Variants in SCAF1 observed in about 807,000 individuals in gnomAD.
SCAF1 encodes the protein SR-related CTD associated factor 1.
A neutral mutation model predicts 91.2 loss-of-function variants in SCAF1; 28 were observed. That is an observed-to-expected ratio of 0.31 (90% CI 0.23 to 0.42). The LOEUF is 0.42. Ranked by LOEUF, SCAF1 falls within the 10% of genes least tolerant of loss-of-function variation. The pLI is 1.00. For missense variants in SCAF1, 1,893 were observed against 1,872.1 expected (o/e 1.01, Z -0.21); for synonymous variants, 1,036 against 833.7 (o/e 1.24, Z -4.18).
rs1001325441 is a variant in SCAF1 at position 49,652,665 on chromosome 19, C to T, written c.2276C>T (p.Ser759Phe). 4.5e-6 allele frequency: 7 copies of T among 1,563,680 alleles called. No individual in the cohort carries two copies. Among genetic ancestry groups the T allele is most frequent in the Non-Finnish European group, 6.1e-6 (7 of 1,154,288 alleles). The change falls in exon 7 of 11, where the codon TCC becomes TTC. Residue 759 changes from serine to phenylalanine, a missense_variant. By Grantham distance (155) the Ser-to-Phe change is radical. Around this residue, in one of 5 missense-constraint regions of SCAF1, gnomAD observed 1,436 missense variants for 1,306.8 expected, o/e 1.10. Coordinates refer to ENST00000360565, the MANE Select transcript of SCAF1 (RefSeq NM_021228.3). ...KDRRRSGAASSSSSSREKGSR... is the reference protein window; with the variant it reads ...KDRRRSGAASFSSSSREKGSR... ...CGGCGCCGCTCGGGGGCCGCCTCCT[C>T]CTCCTCCTCTTCCCGGGAGAAGGGG... is the stretch of plus-strand genomic sequence containing the variant.
intron 6 of SCAF1, among the ~76,000 whole-genome samples, chr19:49,650,189 A>G (rs2081077292): frequency 6.6e-6 from 1 of 152,126 alleles, no homozygotes; most frequent in Non-Finnish European, 1.5e-5. Context: ...AGCAGATGTA[A>G]TTCCTTGGGT....
chr19:49,655,025 T>G (rs1285395156), intron 9 of SCAF1, among the ~76,000 whole-genome samples, 155 bp downstream of exon 9: 1 of 152,146 alleles, frequency 6.6e-6, no homozygotes, highest in Non-Finnish European at 1.5e-5. Flanking sequence ...AACTCCACTT[T>G]GCTGGAATGG....
chr19:49,650,790 T>A, intron 6 of SCAF1, 78 bp from the exon 7 acceptor site: 14 of 1,201,512 alleles, frequency 1.2e-5, no homozygotes, highest in Non-Finnish European at 1.5e-5. Flanking sequence ...CCAGGGAGTG[T>A]CCACGGCTGG....
upstream of SCAF1, among the ~76,000 whole-genome samples, chr19:49,641,734 G>T (rs1357227764): frequency 6.6e-6 from 1 of 152,166 alleles, no homozygotes; most frequent in African/African-American, 2.4e-5. Context: ...GTGCGCCACT[G>T]CATCCCGTCT....
In SCAF1 at chr19:49,652,379, G is replaced by T. The variant is rs2081102480; in HGVS notation, c.1990G>T (p.Ala664Ser). 6.5e-7 allele frequency: 1 copy of T among 1,546,228 alleles called. No individual in the cohort carries two copies. Among genetic ancestry groups the T allele is most frequent in the Non-Finnish European group, 8.7e-7 (1 of 1,149,726 alleles). ...TGGGGATGGCAGCGAGAAGGCCCCG[G>T]CGCCCGCCCCGCCGCCCTCTGGCTC... ...RSGDGSEKAP[A>S]PAPPPSGSTS... The change falls in exon 7 of 11, where the codon GCG becomes TCG. Residue 664 changes from alanine to serine, a missense_variant. This residue lies in a region of SCAF1 where 1,436 missense variants were observed against 1,306.8 expected (regional missense o/e 1.10). Coordinates refer to ENST00000360565, the MANE Select transcript of SCAF1 (RefSeq NM_021228.3).
chr19:49,654,506 G>T lies in SCAF1; in HGVS notation c.3399+75G>T. 5 of 1,465,530 alleles carry T rather than the reference G, an allele frequency of 3.4e-6. No individual in the cohort carries two copies. In the South Asian group the frequency reaches 4.7e-5, roughly 14 times the overall value. 90.8% of individuals were successfully genotyped at this position (1,465,530 alleles called of 1,614,324 possible). ...CCTCGGGTTAGGAGAGGAACCGCGGGCCTGGCAGCTCTGGGGCAAGGTATC... is the reference window on the plus strand; with the variant it reads ...CCTCGGGTTAGGAGAGGAACCGCGGTCCTGGCAGCTCTGGGGCAAGGTATC... On this transcript the variant is annotated intron_variant, in intron 8 of 10. Coordinates refer to ENST00000360565, the MANE Select transcript of SCAF1 (RefSeq NM_021228.3).
Position 49,651,462 on chromosome 19 carries a change from A to T in SCAF1, c.1073A>T (p.Glu358Val), listed in dbSNP as rs745719288. The T allele has an allele frequency of 1.3e-6, 2 of 1,589,514 alleles. No homozygotes were observed. The highest frequency in any genetic ancestry group is 2.3e-5 in the South Asian group (2 of 88,470). The change falls in exon 7 of 11, where the codon GAG becomes GTG. Residue 358 changes from glutamate to valine, a missense_variant. By Grantham distance (121) the Glu-to-Val change is moderately radical. This residue lies in a region of SCAF1 where 1,436 missense variants were observed against 1,306.8 expected (regional missense o/e 1.10). Coordinates refer to ENST00000360565, the MANE Select transcript of SCAF1 (RefSeq NM_021228.3). ...MRRRVFVVGT[E>V]AEACREGKVS... ...CGGCGGGTCTTCGTGGTGGGGACCG[A>T]GGCAGAGGCTTGTCGGGAAGGCAAG...
In SCAF1 at chr19:49,653,555, A is replaced by T; in HGVS notation, c.3166A>T (p.Ser1056Cys). Residue 1056 changes from serine (S) to cysteine (C), a missense_variant, in exon 7 of 11, where the codon AGC becomes TGC. Ser to Cys is a moderately radical substitution (Grantham distance 112). Around this residue, in one of 5 missense-constraint regions of SCAF1, gnomAD observed 1,436 missense variants for 1,306.8 expected, o/e 1.10. Transcript: ENST00000360565. Reference sequence around the variant, plus strand: ...CACCAGCACTGCTGCAGCCGCCCCAAGCACTGCCCCCAGCGCGGGGTCCAC... The same window carrying T: ...CACCAGCACTGCTGCAGCCGCCCCATGCACTGCCCCCAGCGCGGGGTCCAC... ...TATSTAAAAP[S>C]TAPSAGSTAG... 1 of 1,585,630 alleles carries T rather than the reference A, an allele frequency of 6.3e-7. No homozygotes were observed.
At position 49,653,553 on chromosome 19, in the gene SCAF1, C is replaced by G. The variant is rs1378168441; in HGVS notation, c.3164C>G (p.Pro1055Arg). 2 of 1,585,228 alleles carry G rather than the reference C, an allele frequency of 1.3e-6. No homozygotes were observed. The highest frequency in any genetic ancestry group is 1.7e-6 in the Non-Finnish European group (2 of 1,169,944). Reference sequence around the variant, plus strand: ...GCCACCAGCACTGCTGCAGCCGCCCCAAGCACTGCCCCCAGCGCGGGGTCC... The same window carrying G: ...GCCACCAGCACTGCTGCAGCCGCCCGAAGCACTGCCCCCAGCGCGGGGTCC... ...TTATSTAAAA[P>R]STAPSAGSTA... The change falls in exon 7 of 11, where the codon CCA becomes CGA. Residue 1055 changes from proline to arginine, a missense_variant. Coordinates refer to ENST00000360565, the MANE Select transcript of SCAF1 (RefSeq NM_021228.3).
Position 49,646,469 on chromosome 19 carries a change from G to A in SCAF1, c.262-57G>A. 1 of 1,479,180 alleles carries A rather than the reference G, an allele frequency of 6.8e-7. No individual in the cohort carries two copies. Among genetic ancestry groups the A allele is most frequent in the South Asian group, 1.1e-5 (1 of 88,444 alleles). The allele number at this position is 1,479,180 out of a possible 1,614,324, so 91.6% of individuals were successfully genotyped here. A position where few individuals can be genotyped will look rare whatever the true frequency, so the allele number is the denominator to read the frequency against. Reference sequence around the variant, plus strand: ...GAGAGGTTAGGGAGTGGGGAAGCAGGATTTGCCAGTCTTCATGTGACCAGG... The same window carrying A: ...GAGAGGTTAGGGAGTGGGGAAGCAGAATTTGCCAGTCTTCATGTGACCAGG... On this transcript the variant is annotated intron_variant, in intron 4 of 10. Coordinates refer to ENST00000360565, the MANE Select transcript of SCAF1 (RefSeq NM_021228.3). The surrounding 1 kb of genome is among the most constrained non-coding windows in gnomAD (Gnocchi z 5.6).
chr19:49,658,609 T>C lies in SCAF1; in HGVS notation c.*210T>C, dbSNP rs779082437. On this transcript the variant is annotated 3_prime_UTR_variant, in exon 11 of 11. Coordinates refer to ENST00000360565, the MANE Select transcript of SCAF1 (RefSeq NM_021228.3). ...CCCCTCCCTTCTGTTTGTGCCCCTC[T>C]CCCCAATTTCATTAAAGATTTCATG... 4 of 579,536 alleles carry C rather than the reference T, an allele frequency of 6.9e-6. No individual in the cohort carries two copies. Among genetic ancestry groups the C allele is most frequent in the Admixed American group, 3.1e-5 (1 of 32,320 alleles). The allele number at this position is 579,536 out of a possible 1,614,324, so 35.9% of individuals were successfully genotyped here.
chr19:49,645,229 C>T lies in SCAF1; in HGVS notation c.108+95C>T. On this transcript the variant is annotated intron_variant, in intron 2 of 10. Transcript: ENST00000360565. The surrounding 1 kb of genome is among the most constrained non-coding windows in gnomAD (Gnocchi z 4.6). ...CAGGGCCTGAGGCAGGGGCGCTGGACTCTTGGCTCCCTTGAAGCACTTGAG... is the reference window on the plus strand; with the variant it reads ...CAGGGCCTGAGGCAGGGGCGCTGGATTCTTGGCTCCCTTGAAGCACTTGAG... 1 of 1,484,624 alleles carries T rather than the reference C, an allele frequency of 6.7e-7. No individual in the cohort carries two copies. The highest frequency in any genetic ancestry group is 1.7e-5 in the Admixed American group (1 of 57,554). The allele number at this position is 1,484,624 out of a possible 1,614,324, so 92.0% of individuals were successfully genotyped here.
chr19:49,652,649 T>G lies in SCAF1; in HGVS notation c.2260T>G (p.Ser754Ala). The change falls in exon 7 of 11, where the codon TCG becomes GCG. Residue 754 changes from serine to alanine, a missense_variant. By Grantham distance (99) the Ser-to-Ala change is moderately conservative. Coordinates refer to ENST00000360565, the MANE Select transcript of SCAF1 (RefSeq NM_021228.3). ...GAGCAGCCAGAAGGATCGGCGCCGC[T>G]CGGGGGCCGCCTCCTCCTCCTCCTC... ...GKSSQKDRRR[S>A]GAASSSSSSR... is the part of the protein sequence containing the mutation. The G allele has an allele frequency of 6.4e-7, 1 of 1,559,782 alleles. No individual in the cohort carries two copies. The highest frequency in any genetic ancestry group is 8.7e-7 in the Non-Finnish European group (1 of 1,152,154).
rs772824205 is a variant in SCAF1 at position 49,652,588 on chromosome 19, C to T, written c.2199C>T (p.Asp733=). The T allele has an allele frequency of 1.7e-5, 27 of 1,568,130 alleles. No homozygotes were observed. In the African/African-American group the frequency reaches 3.0e-4, roughly 17 times the overall value. The change falls in exon 7 of 11, where the codon GAC becomes GAT. Residue 733 remains aspartate, a synonymous_variant. Transcript: ENST00000360565. ...CACCTAAGCGGGAGGTCCTGTACGA[C>T]TCCGAGGGACTGAGCGGCGAGGAGC... ...ASSPKREVLY[D]SEGLSGEERG... is the part of the protein sequence containing the mutation.
Position 49,652,569 on chromosome 19 carries a change from A to T in SCAF1, c.2180A>T (p.Lys727Met), listed in dbSNP as rs1175841904. Residue 727 changes from lysine (K) to methionine (M), a missense_variant, in exon 7 of 11, where the codon AAG becomes ATG. Physicochemically the swap from Lys to Met is moderately conservative, Grantham distance 95 (BLOSUM62 -1). Around this residue, in one of 5 missense-constraint regions of SCAF1, gnomAD observed 1,436 missense variants for 1,306.8 expected, o/e 1.10. Transcript: ENST00000360565. Reference protein sequence around the residue: ...GPSPAPASSPKREVLYDSEGL... With the variant: ...GPSPAPASSPMREVLYDSEGL... Reference sequence around the variant, plus strand: ...TCTCCTGCTCCGGCCTCCTCACCTAAGCGGGAGGTCCTGTACGACTCCGAG... The same window carrying T: ...TCTCCTGCTCCGGCCTCCTCACCTATGCGGGAGGTCCTGTACGACTCCGAG... The T allele has an allele frequency of 6.4e-7, 1 of 1,565,380 alleles. No individual in the cohort carries two copies. Among genetic ancestry groups the T allele is most frequent in the African/African-American group, 1.4e-5 (1 of 73,580 alleles).
At chr19:49,641,495 T>G (rs955767759), upstream of SCAF1, among the ~76,000 whole-genome samples, 1 of 152,158 alleles carries the variant, frequency 6.6e-6, no homozygotes, top group African/African-American at 2.4e-5. Flanking sequence ...TTTTGTATTT[T>G]TAGTAGAGAC....
chr19:49,652,098 CCCG>C lies in SCAF1; in HGVS notation c.1717_1719del (p.Arg573del). The C allele has an allele frequency of 2.6e-6, 3 of 1,137,948 alleles. No individual in the cohort carries two copies. The highest frequency in any genetic ancestry group is 2.2e-6 in the Non-Finnish European group (2 of 929,984). The allele number at this position is 1,137,948 out of a possible 1,614,324, so 70.5% of individuals were successfully genotyped here. On this transcript the variant is annotated inframe_deletion, in exon 7 of 11. Transcript: ENST00000360565. The stretch of plus-strand genomic sequence containing the variant: ...CCCGGCTCCCACGCCTCGTCGTCCG[CCCG>C]CCGCCGCTCCCGCTCCCGCTCCCGC...
In SCAF1 at chr19:49,652,779, C is replaced by T. The variant is rs1162836094; in HGVS notation, c.2390C>T (p.Pro797Leu). ...DRDRSSKKAR[P>L]PKESAPSSGP... ...GACAGGTCATCCAAGAAGGCCCGGC[C>T]CCCCAAGGAGTCGGCGCCTTCCTCA... Residue 797 changes from proline (P) to leucine (L), a missense_variant, in exon 7 of 11, where the codon CCC becomes CTC. Pro to Leu is a moderately conservative substitution (Grantham distance 98, BLOSUM62 -3). Coordinates refer to ENST00000360565, the MANE Select transcript of SCAF1 (RefSeq NM_021228.3). 1.2e-6 allele frequency: 2 copies of T among 1,613,352 alleles called. No homozygotes were observed. Among genetic ancestry groups the T allele is most frequent in the Non-Finnish European group, 8.5e-7 (1 of 1,179,808 alleles).
In SCAF1 at chr19:49,652,761, C is replaced by T. The variant is rs1481823749; in HGVS notation, c.2372C>T (p.Ser791Leu). ...DRDRDRDRDRSSKKARPPKES... is the reference protein window; with the variant it reads ...DRDRDRDRDRLSKKARPPKES... ...GACAGAGATAGGGACAGGGACAGGT[C>T]ATCCAAGAAGGCCCGGCCCCCCAAG... The change falls in exon 7 of 11, where the codon TCA (serine) becomes TTA (leucine). Residue 791 changes from serine to leucine, a missense_variant. Coordinates refer to ENST00000360565, the MANE Select transcript of SCAF1 (RefSeq NM_021228.3). 6.2e-7 allele frequency: 1 copy of T among 1,611,972 alleles called. No individual in the cohort carries two copies. Among genetic ancestry groups the T allele is most frequent in the Non-Finnish European group, 8.5e-7 (1 of 1,179,310 alleles).
Sources: gnomAD v4.1 joint callset for allele counts (sites outside exome capture counted in the v4.1 genomes callset) on GRCh38, gnomAD v4.1.1 for gene constraint, gnomAD v4.1.1 regional missense constraint, Gnocchi (gnomAD v3.1) non-coding constraint, MANE v1.5 for transcripts, NCBI Gene and HGNC (gene_info 2026-07-23, HGNC 2026-07-21) for gene names.